Variants in PLIN4 observed in about 807,000 individuals in gnomAD.
The protein encoded by PLIN4 is perilipin 4.
PLIN4 carries 57 observed loss-of-function variants against 52.4 expected under a neutral mutation model. The observed-to-expected ratio is 1.09, with a 90% CI of 0.88 to 1.36. The LOEUF is 1.36. PLIN4 is among the 40% of genes most tolerant of loss of function. PLIN4 has a pLI of 0.00. For missense variants in PLIN4, 1,757 were observed against 1,770.3 expected (o/e 0.99, Z 0.13); for synonymous variants, 826 against 785.4 (o/e 1.05, Z -0.86).
chr19:4,517,483 G>C (rs767751024), intron 3 of PLIN4, 71 bp downstream of exon 3: 9 of 1,525,240 alleles, frequency 5.9e-6, no homozygotes, highest in Non-Finnish European at 7.9e-6. Context: ...GGAAGTCCCT[G>C]CCCGGGGAGC....
At position 4,510,766 on chromosome 19, in the gene PLIN4, C is replaced by T; in HGVS notation, c.3194G>A (p.Gly1065Asp). 1 of 1,574,200 alleles carries T rather than the reference C, an allele frequency of 6.4e-7. No individual in the cohort carries two copies. ...TGTGGTCCTGGAACTGGTGAGTCCA[C>T]CCCAGGAGGTGGCGGGGGTACTAGG... ...WLPSTPATSW[G>D]GLTSSRTTDN... Residue 1065 changes from glycine to aspartate, a missense_variant, in exon 5 of 8, where the codon GGT (glycine) becomes GAT (aspartate). By Grantham distance (94) the Gly-to-Asp change is moderately conservative. Coordinates refer to ENST00000301286, the MANE Select transcript of PLIN4 (RefSeq NM_001367868.2).
chr19:4,504,850 G>T lies in PLIN4; in HGVS notation c.3789+11C>A. ...CGGGGTGGGGGGACCCTAGCCCTGTGCCAGACCCACCTCCTGGACAGCAGC... is the reference window on the plus strand; with the variant it reads ...CGGGGTGGGGGGACCCTAGCCCTGTTCCAGACCCACCTCCTGGACAGCAGC... On this transcript the variant is annotated intron_variant, in intron 7 of 7. Coordinates refer to ENST00000301286, the MANE Select transcript of PLIN4 (RefSeq NM_001367868.2). 1 of 1,604,436 alleles carries T rather than the reference G, an allele frequency of 6.2e-7. No individual in the cohort carries two copies. Among genetic ancestry groups the T allele is most frequent in the Non-Finnish European group, 8.5e-7 (1 of 1,176,602 alleles).
In PLIN4 at chr19:4,513,636, G is replaced by C; in HGVS notation, c.324C>G (p.Ser108=). The C allele has an allele frequency of 2.1e-5, 33 of 1,608,936 alleles. No individual in the cohort carries two copies. The highest frequency in any genetic ancestry group is 2.8e-5 in the Non-Finnish European group (33 of 1,177,800). The change falls in exon 5 of 8, where the codon TCC becomes TCG. Residue 108 remains serine (S), a synonymous_variant. Transcript: ENST00000301286. The part of the protein sequence containing the change: ...KMSRAKDAVS[S]GVASVVDVAK... ...CCACGTCCACCACGCTGGCCACCCC[G>C]GAGGACACGGCATCCTTGGCCCTGG... is the stretch of plus-strand genomic sequence containing the variant.
At position 4,503,394 on chromosome 19, in the gene PLIN4, C is replaced by T. The variant is rs377045114; in HGVS notation, c.*1065G>A. On this transcript the variant is annotated 3_prime_UTR_variant, in exon 8 of 8. Coordinates refer to ENST00000301286, the MANE Select transcript of PLIN4 (RefSeq NM_001367868.2). ...CACGACCTGGGCTAGCCTGAGAGCA[C>T]GGGGCCCGGCGGCCGGGTCCGCCAC... 2.9e-4 allele frequency: 44 copies of T among 152,882 alleles called. No homozygotes were observed. The highest frequency in any genetic ancestry group is 7.7e-4 in the African/African-American group (32 of 41,576). The allele number at this position is 152,882 out of a possible 1,614,324, so 9.5% of individuals were successfully genotyped here. A position where few individuals can be genotyped will look rare whatever the true frequency, so the allele number is the denominator to read the frequency against.
Position 4,504,246 on chromosome 19 carries a change from T to G in PLIN4, c.*213A>C. On this transcript the variant is annotated 3_prime_UTR_variant, in exon 8 of 8. Coordinates refer to ENST00000301286, the MANE Select transcript of PLIN4 (RefSeq NM_001367868.2). ...GGGGCAGGCAGCGCTGGGGAGGAGG[T>G]GGGAGATGCAGGCAGGCCCGGAGCA... 2.1e-6 allele frequency: 1 copy of G among 486,062 alleles called. No homozygotes were observed. The highest frequency in any genetic ancestry group is 3.6e-6 in the Non-Finnish European group (1 of 280,022). The allele number at this position is 486,062 out of a possible 1,614,324, so 30.1% of individuals were successfully genotyped here.
rs754773626 is a variant in PLIN4 at position 4,513,590 on chromosome 19, C to T, written c.370G>A (p.Gly124Ser). ...VDVAKGVVQG[G>S]LDTTRSALTG... Reference sequence around the variant, plus strand: ...AGTGCAGACCGAGTGGTGTCCAGGCCTCCCTGGACCACTCCCTTAGCCACG... The same window carrying T: ...AGTGCAGACCGAGTGGTGTCCAGGCTTCCCTGGACCACTCCCTTAGCCACG... The change falls in exon 5 of 8, where the codon GGC becomes AGC. Residue 124 changes from glycine (G) to serine (S), a missense_variant. This residue lies in a region of PLIN4 where 332 missense variants were observed against 310.8 expected (regional missense o/e 1.07). Coordinates refer to ENST00000301286, the MANE Select transcript of PLIN4 (RefSeq NM_001367868.2). The T allele has an allele frequency of 2.2e-5, 36 of 1,605,394 alleles. No homozygotes were observed. The South Asian group carries it at 3.4e-4, about 15-fold the overall frequency.
chr19:4,516,662 C>T lies in PLIN4; in HGVS notation c.213G>A (p.Glu71=). 1 of 1,599,946 alleles carries T rather than the reference C, an allele frequency of 6.3e-7. No homozygotes were observed. The highest frequency in any genetic ancestry group is 8.5e-7 in the Non-Finnish European group (1 of 1,173,698). Residue 71 remains glutamate (E), a synonymous_variant, in exon 4 of 8, where the codon GAG becomes GAA. Coordinates refer to ENST00000301286, the MANE Select transcript of PLIN4 (RefSeq NM_001367868.2). The part of the protein sequence containing the change: ...QPQAQVAAHP[E]QTAPWTEKEL... ...CCTTCTCCGTCCATGGGGCCGTCTG[C>T]TCTGGGTGGGCAGCCACTGTGGGGA...
In PLIN4 at chr19:4,508,905, C is replaced by G. The variant is rs1193084574; in HGVS notation, c.3565G>C (p.Gly1189Arg). 10 of 1,612,950 alleles carry G rather than the reference C, an allele frequency of 6.2e-6. No homozygotes were observed. Among genetic ancestry groups the G allele is most frequent in the Non-Finnish European group, 8.5e-6 (10 of 1,179,834 alleles). Residue 1189 changes from glycine (G) to arginine (R), a missense_variant, in exon 6 of 8, where the codon GGG (glycine) becomes CGG (arginine). By Grantham distance (125) the Gly-to-Arg change is moderately radical. This residue lies in a region of PLIN4 where 712 missense variants were observed against 637.1 expected (regional missense o/e 1.12). Coordinates refer to ENST00000301286, the MANE Select transcript of PLIN4 (RefSeq NM_001367868.2). The part of the protein sequence containing the change: ...PGPKVLSAEQ[G>R]SYFVRLGDLG... Reference sequence around the variant, plus strand: ...TCACCTAAACGAACGAAGTAGCTCCCCTGTTCCGCCGACAGCACCTTTGGC... The same window carrying G: ...TCACCTAAACGAACGAAGTAGCTCCGCTGTTCCGCCGACAGCACCTTTGGC...
chr19:4,510,992 G>A lies in PLIN4; in HGVS notation c.2968C>T (p.Leu990Phe). The A allele has an allele frequency of 6.8e-6, 11 of 1,613,032 alleles. 1 individual carries two copies. In the South Asian group the frequency reaches 8.8e-5, roughly 13 times the overall value. ...AAGACAGTGTCCTTGGTACCCATAA[G>A]CACAGCCTTGGAGGCGTCCACGCCG... Reference protein sequence around the residue: ...QTGVDASKAVLMGTKDTVFSG... With the variant: ...QTGVDASKAVFMGTKDTVFSG... The change falls in exon 5 of 8, where the codon CTT becomes TTT. Residue 990 changes from leucine to phenylalanine, a missense_variant. By Grantham distance (22) the Leu-to-Phe change is conservative (BLOSUM62 0). This residue lies in a region of PLIN4 where 712 missense variants were observed against 637.1 expected (regional missense o/e 1.12). Coordinates refer to ENST00000301286, the MANE Select transcript of PLIN4 (RefSeq NM_001367868.2).
chr19:4,517,310 C>T (rs890040250), intron 3 of PLIN4, among the ~76,000 whole-genome samples: 3 of 48,046 alleles, frequency 6.2e-5, no homozygotes, highest in East Asian at 6.5e-4. Context: ...GGGGAACGGC[C>T]GAGGGACTGA....
chr19:4,507,185 T>G (rs1036396823), intron 6 of PLIN4, among the ~76,000 whole-genome samples: 3 of 152,226 alleles, frequency 2.0e-5, no homozygotes, highest in African/African-American at 7.2e-5. Flanking sequence ...GAAAACACAG[T>G]GGCCTAGGCT....
At chr19:4,514,543 G>A (rs534627103) in intron 4 of PLIN4, among the ~76,000 whole-genome samples, 3 of 151,704 alleles carry the variant, frequency 2.0e-5, no homozygotes, top group Non-Finnish European at 4.4e-5. Context: ...GGCTAACACA[G>A]TGAAACCCTG....
intron 6 of PLIN4, among the ~76,000 whole-genome samples, chr19:4,507,478 T>C (rs953285365): frequency 1.3e-5 from 2 of 151,800 alleles, no homozygotes; most frequent in African/African-American, 4.8e-5. Context: ...AACCCAGGAG[T>C]TTAAGACCAG....
chr19:4,512,595 C>T lies in PLIN4; in HGVS notation c.1365G>A (p.Val455=), dbSNP rs2145286365. 1.2e-6 allele frequency: 2 copies of T among 1,609,646 alleles called. No homozygotes were observed. Among genetic ancestry groups the T allele is most frequent in the Non-Finnish European group, 1.7e-6 (2 of 1,178,012 alleles). Residue 455 remains valine, a synonymous_variant, in exon 5 of 8, where the codon GTG becomes GTA. Coordinates refer to ENST00000301286, the MANE Select transcript of PLIN4 (RefSeq NM_001367868.2). ...CAGTTAGAACGATCTTGGTGGTGTC[C>T]ACGCCTGTCTGGATGGTTCCTCTGG... ...NLARGTIQTG[V]DTTKIVLTGT... is the part of the protein sequence containing the mutation.
intron 6 of PLIN4, among the ~76,000 whole-genome samples, chr19:4,507,312 C>T (rs910128286): frequency 2.0e-5 from 3 of 152,276 alleles, no homozygotes; most frequent in African/African-American, 7.2e-5. Flanking sequence ...TGGCTCACGC[C>T]TGTCATCCCA....
chr19:4,517,421 C>T, intron 3 of PLIN4, 133 bp downstream of exon 3: 1 of 1,197,816 alleles, frequency 8.3e-7, no homozygotes, highest in Non-Finnish European at 1.1e-6. Flanking sequence ...ACAAGATGTC[C>T]TAGTGTCTGA....
At chr19:4,506,664 T>C (rs1044108569) in intron 6 of PLIN4, among the ~76,000 whole-genome samples, 3 of 152,202 alleles carry the variant, frequency 2.0e-5, no homozygotes, top group African/African-American at 7.2e-5. Flanking sequence ...AGCAAAGCTC[T>C]TCTCTTCCTG....
intron 4 of PLIN4, among the ~76,000 whole-genome samples, chr19:4,514,744 G>GATAATAATAATAATAATA (rs916476281): frequency 1.3e-5 from 2 of 150,474 alleles, no homozygotes; most frequent in Admixed American, 6.6e-5. Flanking sequence ...TAATGATAAT[G>GATAATAATAATAATAATA]ATAATAATAA....
At chr19:4,516,767 C>T in intron 3 of PLIN4, 89 bp from the exon 4 acceptor site, 1 of 1,299,860 alleles carries the variant, frequency 7.7e-7, no homozygotes, top group African/African-American at 1.5e-5. Context: ...CAGGCACAGC[C>T]TAAAAGGTCA....
Sources: gnomAD v4.1 joint callset for allele counts (sites outside exome capture counted in the v4.1 genomes callset) on GRCh38, gnomAD v4.1.1 for gene constraint, gnomAD v4.1.1 regional missense constraint, MANE v1.5 for transcripts, NCBI Gene and HGNC (gene_info 2026-07-23, HGNC 2026-07-21) for gene names.